Variants in ECH1 observed in about 807,000 individuals in gnomAD.
The protein encoded by ECH1 is delta(3,5)-Delta(2,4)-dienoyl-CoA isomerase, mitochondrial.
Under a neutral mutation model 37.0 loss-of-function variants are expected in ECH1, and 30 were observed. That is an observed-to-expected ratio of 0.81 (90% confidence interval 0.61 to 1.10). ECH1 has a LOEUF of 1.10. ECH1 is among the 50% of genes least tolerant of loss of function. The pLI, the probability that ECH1 is intolerant of heterozygous loss-of-function variation, is 0.00. For missense variants in ECH1, 456 were observed against 441.6 expected (o/e 1.03, Z -0.29); for synonymous variants, 178 against 176.0 (o/e 1.01, Z -0.09).
Position 38,815,603 on chromosome 19 carries a change from G to T in ECH1, c.*10C>A. 1 of 1,613,864 alleles carries T rather than the reference G, an allele frequency of 6.2e-7. No individual in the cohort carries two copies. On this transcript the variant is annotated 3_prime_UTR_variant, in exon 10 of 10. Transcript: ENST00000221418. ...CGGCCCCCTGGCTGGGGCCTGGGAC[G>T]CGAGGGCTCTCAGAGCTTGGAGAAG...
At chr19:38,823,458 G>A (rs964845442) in intron 3 of ECH1, among the ~76,000 whole-genome samples, 5 of 152,144 alleles carry the variant, frequency 3.3e-5, no homozygotes, top group Admixed American at 3.3e-4. Context: ...AGAATTTGGG[G>A]GCTAAATACC....
chr19:38,831,358 GGACATGCAGAACATGTTTCTGCGCAGAC>G lies in ECH1; in HGVS notation c.183_210del (p.Ala63SerfsTer10), dbSNP rs756204468. The G allele has an allele frequency of 1.2e-6, 2 of 1,613,858 alleles. No homozygotes were observed. Among genetic ancestry groups the G allele is most frequent in the African/African-American group, 2.7e-5 (2 of 75,026 alleles). Reference sequence around the variant, plus strand: ...TTCCTCTTGTTGGGCCGGTTGAGCTGGACATGCAGAACATGTTTCTGCGCAGACGTCACACGAAGGGACTCATAGCTGT... The same window carrying G: ...TTCCTCTTGTTGGGCCGGTTGAGCTGGTCACACGAAGGGACTCATAGCTGT... On this transcript the variant is annotated frameshift_variant, in exon 2 of 10. Transcript: ENST00000221418. LOFTEE classifies it high-confidence loss of function.
At position 38,830,628 on chromosome 19, in the gene ECH1, T is replaced by C. The variant is rs187358032; in HGVS notation, c.349+450A>G. Among the ~76,000 whole-genome samples, 360 of 144,340 alleles carry C rather than the reference T, an allele frequency of 2.5e-3. 4 individuals carry two copies. Among genetic ancestry groups the C allele is most frequent in the African/African-American group, 9.0e-3 (346 of 38,296 alleles). 94.7% of individuals were successfully genotyped at this position (144,340 alleles called of 152,430 possible). On this transcript the variant is annotated intron_variant, in intron 3 of 9. Transcript: ENST00000221418. ...TTAGGCAACTGTACTCCAGCCTGGG[T>C]GACAGAGAAAGATATTGTCTCCAAA...
intron 3 of ECH1, chr19:38,819,260 G>A: frequency 2.0e-6 from 2 of 981,660 alleles, no homozygotes; most frequent in Non-Finnish European, 1.2e-6. Flanking sequence ...GGAGAGGGAG[G>A]GAGCCAAGGA....
Position 38,815,552 on chromosome 19 carries a change from T to C in ECH1, c.*61A>G. On this transcript the variant is annotated 3_prime_UTR_variant, in exon 10 of 10. Transcript: ENST00000221418. The stretch of plus-strand genomic sequence containing the variant: ...AACAACTGTCATCGCCCATCCTCCC[T>C]TTCTGTGGATGAGGCGGGACAAGGC... 1.3e-6 allele frequency: 2 copies of C among 1,518,608 alleles called. No individual in the cohort carries two copies. The highest frequency in any genetic ancestry group is 1.8e-6 in the Non-Finnish European group (2 of 1,094,784). The allele number at this position is 1,518,608 out of a possible 1,614,324, so 94.1% of individuals were successfully genotyped here. A position where few individuals can be genotyped will look rare whatever the true frequency, so the allele number is the denominator to read the frequency against.
chr19:38,827,387 GAAAC>G (rs1475464272), intron 3 of ECH1, among the ~76,000 whole-genome samples: 2 of 152,110 alleles, frequency 1.3e-5, no homozygotes, highest in Non-Finnish European at 2.9e-5. Context: ...GGCTGGACAA[GAAAC>G]AAACAATTAT....
chr19:38,821,059 G>A (rs1353497574), intron 3 of ECH1, among the ~76,000 whole-genome samples: 7 of 152,184 alleles, frequency 4.6e-5, no homozygotes, highest in Non-Finnish European at 1.0e-4. Context: ...CAGGAGGATC[G>A]CTTTAGATCA....
chr19:38,828,872 C>T (rs1374929536), intron 3 of ECH1, among the ~76,000 whole-genome samples: 4 of 151,752 alleles, frequency 2.6e-5, no homozygotes, highest in African/African-American at 7.3e-5. Flanking sequence ...CCGCCTGCCT[C>T]GACCTCCCAA....
At chr19:38,827,291 G>A (rs1166913413) in intron 3 of ECH1, among the ~76,000 whole-genome samples, 2 of 152,102 alleles carry the variant, frequency 1.3e-5, no homozygotes, top group Non-Finnish European at 2.9e-5. Context: ...CAGGCTCTGG[G>A]CCCTGTGCAG....
intron 3 of ECH1, among the ~76,000 whole-genome samples, chr19:38,826,185 G>C (rs558939018): frequency 1.3e-5 from 2 of 152,254 alleles, no homozygotes; most frequent in East Asian, 3.9e-4. Flanking sequence ...ATTAGGCAGG[G>C]ACATATTAGC....
At chr19:38,829,451 ACT>A (rs1368764361) in intron 3 of ECH1, among the ~76,000 whole-genome samples, 1 of 150,314 alleles carries the variant, frequency 6.7e-6, no homozygotes, top group African/African-American at 2.5e-5. Flanking sequence ...ACAAAGCGAG[ACT>A]CTGTCTCAAA....
intron 3 of ECH1, among the ~76,000 whole-genome samples, chr19:38,827,221 T>G (rs1466292489): frequency 6.6e-6 from 1 of 152,112 alleles, no homozygotes. Context: ...CCCCACTGAG[T>G]TGGGAACGCC....
chr19:38,825,943 C>T (rs1461436550), intron 3 of ECH1, among the ~76,000 whole-genome samples: 1 of 152,196 alleles, frequency 6.6e-6, no homozygotes, highest in Non-Finnish European at 1.5e-5. Flanking sequence ...CCTCACTGAG[C>T]CCCGGGTACG....
Position 38,816,027 on chromosome 19 carries a change from G to A in ECH1, c.732-20C>T. ...ACCCGGCTGCAGTGAAAGAGATCAG[G>A]GACCGGGTGGGCTGGGAAGGGCTCT... On this transcript the variant is annotated intron_variant, in intron 8 of 9. Transcript: ENST00000221418. The A allele has an allele frequency of 1.9e-6, 3 of 1,611,436 alleles. No individual in the cohort carries two copies. The highest frequency in any genetic ancestry group is 2.5e-6 in the Non-Finnish European group (3 of 1,179,578).
chr19:38,819,068 T>C, intron 3 of ECH1: 1 of 979,618 alleles, frequency 1.0e-6, no homozygotes, highest in Non-Finnish European at 1.2e-6. Context: ...ATCGCACCAC[T>C]GCACTCCAGC....
intron 3 of ECH1, chr19:38,818,292 T>C (rs1177412832): frequency 1.0e-6 from 1 of 985,264 alleles, no homozygotes; most frequent in East Asian, 1.1e-4. Context: ...TTTCCTGAGA[T>C]GAGAAACATC....
At chr19:38,830,360 G>A (rs1292380638) in intron 3 of ECH1, among the ~76,000 whole-genome samples, 1 of 152,154 alleles carries the variant, frequency 6.6e-6, no homozygotes, top group East Asian at 1.9e-4. Flanking sequence ...ACAGCTATAG[G>A]CTGAGAGGTT....
At chr19:38,831,022 C>T in intron 3 of ECH1, 56 bp downstream of exon 3, 1 of 1,506,922 alleles carries the variant, frequency 6.6e-7, no homozygotes, top group Non-Finnish European at 9.2e-7. Flanking sequence ...CACTGCTCCA[C>T]TGTCTATTGC....
At chr19:38,827,555 A>C (rs1971757250) in intron 3 of ECH1, among the ~76,000 whole-genome samples, 1 of 152,174 alleles carries the variant, frequency 6.6e-6, no homozygotes, top group African/African-American at 2.4e-5. Flanking sequence ...CAAGGTGACC[A>C]AAGCTGCCGG....
Sources: gnomAD v4.1 joint callset for allele counts (sites outside exome capture counted in the v4.1 genomes callset) on GRCh38, gnomAD v4.1.1 for gene constraint, MANE v1.5 for transcripts, NCBI Gene and HGNC (gene_info 2026-07-23, HGNC 2026-07-21) for gene names.